Variants in DYSF observed in about 807,000 individuals in gnomAD.
DYSF encodes dystrophy-associated fer-1-like 1.
DYSF carries 212 observed loss-of-function variants against 274.9 expected under a neutral mutation model. The observed-to-expected ratio is 0.77, with a 90% CI of 0.69 to 0.86. DYSF has a LOEUF of 0.86. Among genes scored for constraint, DYSF ranks in the 40% least tolerant of loss-of-function variants. DYSF has a pLI of 0.00. For missense variants in DYSF, 2,666 were observed against 2,783.2 expected, an observed-to-expected ratio of 0.96 and a Z score of 0.95; for synonymous variants, 1,091 against 1,078.7, an observed-to-expected ratio of 1.01 and a Z score of -0.22.
chr2:71,618,171 GT>G, intron 40 of DYSF, among the ~76,000 whole-genome samples: 28 of 98,028 alleles, frequency 2.9e-4, no homozygotes, highest in East Asian at 3.9e-4. Context: ...TGTGTGTGTG[GT>G]AGAGGTGGGG....
At chr2:71,682,182 G>T (rs1199536525) in intron 54 of DYSF, among the ~76,000 whole-genome samples, 1 of 152,046 alleles carries the variant, frequency 6.6e-6, no homozygotes, top group African/African-American at 2.4e-5. Context: ...TTGAAGCACT[G>T]CCCAGCTCCT....
rs1163105670 is a variant in DYSF, at chr2:71,570,559, G to C, written c.3086-40G>C. The stretch of plus-strand genomic sequence containing the variant: ...GAGATGGTCCCAGGAGAGATGGGGG[G>C]AACTGCCAAGCAATGAGTGACCGGT... On this transcript the variant is annotated intron_variant, in intron 28 of 55. Coordinates refer to ENST00000410020, the MANE Select transcript of DYSF (RefSeq NM_001130987.2). 40 of 1,609,402 alleles carry C rather than the reference G, an allele frequency of 2.5e-5. 1 individual carries two copies. Among genetic ancestry groups the C allele is most frequent in the Non-Finnish European group, 3.1e-5 (37 of 1,178,240 alleles).
At chr2:71,506,949 G>A (rs1268289957) in intron 4 of DYSF, among the ~76,000 whole-genome samples, 2 of 152,108 alleles carry the variant, frequency 1.3e-5, no homozygotes, top group African/African-American at 2.4e-5. Context: ...AGAGCAACCC[G>A]GATGGTGCCA....
chr2:71,656,209 T>G lies in DYSF; in HGVS notation c.4674T>G (p.Ser1558=), dbSNP rs1481718924. ...ATGTGGAGGCCTTTGAGGGCCTGTC[T>G]GACTTTTGTAACACCTTCAAGCTGT... ...LENVEAFEGL[S]DFCNTFKLYR... The change falls in exon 43 of 56, where the codon TCT becomes TCG. Residue 1558 remains serine, a synonymous_variant. Coordinates refer to ENST00000410020, the MANE Select transcript of DYSF (RefSeq NM_001130987.2). The G allele has an allele frequency of 6.2e-7, 1 of 1,614,216 alleles. No homozygotes were observed. Among genetic ancestry groups the G allele is most frequent in the Non-Finnish European group, 8.5e-7 (1 of 1,180,038 alleles).
At position 71,516,997 on chromosome 2, in the gene DYSF, C is replaced by T. The variant is rs771325384; in HGVS notation, c.960C>T (p.Asp320=). 6.8e-5 allele frequency: 109 copies of T among 1,614,074 alleles called. No homozygotes were observed. In the South Asian group the frequency reaches 1.1e-3, roughly 17 times the overall value. Residue 320 remains aspartate, a synonymous_variant, in exon 10 of 56, where the codon GAC becomes GAT. Coordinates refer to ENST00000410020, the MANE Select transcript of DYSF (RefSeq NM_001130987.2). The part of the protein sequence containing the change: ...FDEPIFITVV[D]SRSLRTDALL... ...ATGATCTTTCTCTGCAGGTGGTAGACTCTCGTTCTCTCAGGACAGATGCTC... is the reference window on the plus strand; with the variant it reads ...ATGATCTTTCTCTGCAGGTGGTAGATTCTCGTTCTCTCAGGACAGATGCTC...
intron 29 of DYSF, among the ~76,000 whole-genome samples, chr2:71,571,592 GCACACACAGCT>G (rs1277655282): frequency 9.9e-6 from 1 of 101,378 alleles, no homozygotes; most frequent in African/African-American, 4.1e-5. Context: ...ATCACACCCA[GCACACACAGCT>G]CACACCCAGC....
At chr2:71,560,392 C>CAGG (rs1308927541) in intron 22 of DYSF, among the ~76,000 whole-genome samples, 2 of 142,728 alleles carry the variant, frequency 1.4e-5, no homozygotes, top group African/African-American at 5.6e-5. Flanking sequence ...GCTCTCAGGC[C>CAGG]CACTCAGGCC....
intron 3 of DYSF, among the ~76,000 whole-genome samples, chr2:71,499,329 T>A (rs936152792): frequency 3.3e-5 from 5 of 152,260 alleles, no homozygotes; most frequent in African/African-American, 1.2e-4. Context: ...TTGTTATAGC[T>A]GTCTAGTGTT....
At chr2:71,472,653 G>T in intron 1 of DYSF, among the ~76,000 whole-genome samples, 1 of 152,110 alleles carries the variant, frequency 6.6e-6, no homozygotes, top group East Asian at 1.9e-4. Flanking sequence ...TGATCCACCC[G>T]CCTTGGCCTC....
In DYSF at chr2:71,669,633, C is replaced by G; in HGVS notation, c.5671C>G (p.Gln1891Glu). The G allele has an allele frequency of 5.6e-6, 9 of 1,614,198 alleles. No homozygotes were observed. The highest frequency in any genetic ancestry group is 7.6e-6 in the Non-Finnish European group (9 of 1,180,044). The change falls in exon 51 of 56, where the codon CAA becomes GAA. Residue 1891 changes from glutamine (Q) to glutamate (E), a missense_variant. By Grantham distance (29) the Gln-to-Glu change is conservative. This residue lies in a region of DYSF where 1,460 missense variants were observed against 1,502.1 expected (regional missense o/e 0.97). Coordinates refer to ENST00000410020, the MANE Select transcript of DYSF (RefSeq NM_001130987.2). ...GATGATTGGCTTTGAAGAACACAAG[C>G]AAAAGACAGACGTGCATTATCGTTC... ...GWMIGFEEHK[Q>E]KTDVHYRSLG... is the part of the protein sequence containing the mutation.
chr2:71,456,099 T>C (rs2081051330), intron 1 of DYSF, among the ~76,000 whole-genome samples: 1 of 152,090 alleles, frequency 6.6e-6, no homozygotes, highest in Non-Finnish European at 1.5e-5. Flanking sequence ...TACACATCCC[T>C]GGCTGAATCC....
At chr2:71,678,928 T>G in intron 52 of DYSF, 129 bp from the exon 53 acceptor site, 2 of 792,210 alleles carry the variant, frequency 2.5e-6, no homozygotes, top group Non-Finnish European at 4.3e-6. Context: ...ATTTTACCTG[T>G]GGCTCGGCCA....
chr2:71,551,519 T>G, intron 18 of DYSF, 88 bp from the exon 19 acceptor site: 899 of 1,141,628 alleles, frequency 7.9e-4, no homozygotes, highest in Non-Finnish European at 1.0e-3. Flanking sequence ...GCCTGAGAGA[T>G]GAGCTACCTC....
chr2:71,653,740 A>G (rs936866495), intron 42 of DYSF, among the ~76,000 whole-genome samples: 47 of 152,128 alleles, frequency 3.1e-4, no homozygotes, highest in Non-Finnish European at 4.7e-4. Context: ...CAGCACACCA[A>G]CATGGCACAT....
At chr2:71,647,453 A>T (rs2094584402) in intron 42 of DYSF, among the ~76,000 whole-genome samples, 1 of 152,220 alleles carries the variant, frequency 6.6e-6, no homozygotes, top group Admixed American at 6.5e-5. Context: ...AAATTTAAAA[A>T]ATATTTTATT....
intron 41 of DYSF, among the ~76,000 whole-genome samples, chr2:71,643,721 G>C (rs549159894): frequency 3.9e-5 from 6 of 152,152 alleles, no homozygotes; most frequent in Admixed American, 6.5e-5. Context: ...CACATGCTTG[G>C]GGGGCAGAGC....
chr2:71,491,415 G>C (rs575583807), intron 3 of DYSF, among the ~76,000 whole-genome samples: 4 of 152,304 alleles, frequency 2.6e-5, no homozygotes, highest in South Asian at 2.1e-4. Context: ...ACCTTTATTT[G>C]TTTGTTTTAA....
chr2:71,651,856 A>G (rs2094669577), intron 42 of DYSF, among the ~76,000 whole-genome samples: 1 of 152,242 alleles, frequency 6.6e-6, no homozygotes, highest in South Asian at 2.1e-4. Context: ...TTAGGAAATC[A>G]TGAACAGTAT....
intron 2 of DYSF, 72 bp from the exon 3 acceptor site, chr2:71,481,807 G>C: frequency 7.7e-7 from 1 of 1,300,876 alleles, no homozygotes; most frequent in East Asian, 2.3e-5. Flanking sequence ...CTGGTGGCAC[G>C]AAGGTGAACC....
Sources: gnomAD v4.1 joint callset for allele counts (sites outside exome capture counted in the v4.1 genomes callset) on GRCh38, gnomAD v4.1.1 for gene constraint, gnomAD v4.1.1 regional missense constraint, MANE v1.5 for transcripts, NCBI Gene and HGNC (gene_info 2026-07-23, HGNC 2026-07-21) for gene names.